The following ATRX variants were observed in gnomAD, a reference collection of about 807,000 sequenced individuals.
ATRX encodes the protein chromatin remodeler ATRX.
A neutral mutation model predicts 172.6 loss-of-function variants in ATRX; 12 were observed. The observed-to-expected ratio is 0.07, with a 90% CI of 0.04 to 0.11. The LOEUF (loss-of-function observed/expected upper bound fraction) is 0.11, where lower values mean the gene tolerates loss of function less well. ATRX is among the 10% of genes least tolerant of loss of function. The pLI is 1.00. For synonymous variants in ATRX, 674 were observed against 594.7 expected (o/e 1.13, Z -1.94); for missense variants, 1,368 against 1,767.4 (o/e 0.77, Z 4.05).
At chrX:77,678,508 A>T (rs2071024924) in intron 9 of ATRX, among the ~76,000 whole-genome samples, 1 of 111,918 alleles carries the variant, frequency 8.9e-6, no homozygotes, top group South Asian at 3.7e-4. Context: ...CTGTTTTGAG[A>T]CGGAGTCTCG....
At chrX:77,600,834 G>A (rs1466014524) in intron 22 of ATRX, 2 of 232,488 alleles carry the variant, frequency 8.6e-6, no homozygotes, top group Non-Finnish European at 1.5e-5. Context: ...AATATGCACA[G>A]GTTTAATAAA....
chrX:77,616,701 G>T lies in ATRX; in HGVS notation c.5478C>A (p.Phe1826Leu). The change falls in exon 22 of 35, where the codon TTC (phenylalanine) becomes TTA (leucine). Residue 1826 changes from phenylalanine (F) to leucine (L), a missense_variant. Physicochemically the swap from Phe to Leu is conservative, Grantham distance 22. Transcript: ENST00000373344. ...ACACATATTCGTGTTTTGGAGGCAA[G>T]AATTTTGTTAATGCTGTATAATCTT... ...QRKDYTALTK[F>L]LPPKHEYVLA... 1 of 1,196,722 alleles carries T rather than the reference G, an allele frequency of 8.4e-7. No homozygotes were observed. The highest frequency in any genetic ancestry group is 1.1e-6 in the Non-Finnish European group (1 of 882,296).
At chrX:77,516,684 A>G (rs2147711593) in intron 34 of ATRX, among the ~76,000 whole-genome samples, 1 of 111,995 alleles carries the variant, frequency 8.9e-6, no homozygotes, top group African/African-American at 3.2e-5. Context: ...GATCATCCAG[A>G]CAGAAAATCA....
intron 15 of ATRX, among the ~76,000 whole-genome samples, chrX:77,643,105 C>T (rs1428882551): frequency 8.9e-6 from 1 of 112,026 alleles, no homozygotes; most frequent in African/African-American, 3.2e-5. Flanking sequence ...AGTATCCTCC[C>T]ACAAACCAGA....
intron 1 of ATRX, among the ~76,000 whole-genome samples, chrX:77,755,758 C>T (rs914419421): frequency 6.3e-5 from 7 of 111,499 alleles, no homozygotes; most frequent in African/African-American, 2.3e-4. Flanking sequence ...TCCTGTGTGA[C>T]GTGTCTGTCA....
chrX:77,541,081 AAAG>A (rs1315171721), intron 30 of ATRX, among the ~76,000 whole-genome samples: 21 of 112,135 alleles, frequency 1.9e-4, no homozygotes, highest in Admixed American at 1.2e-3. Flanking sequence ...CCAGACTGAT[AAAG>A]AAGAAAGGAG....
chrX:77,678,406 C>T (rs782690404), intron 9 of ATRX, among the ~76,000 whole-genome samples: 1 of 112,467 alleles, frequency 8.9e-6, no homozygotes, highest in East Asian at 2.8e-4. Context: ...CAAATGCCAA[C>T]TATTCTTCTA....
intron 15 of ATRX, among the ~76,000 whole-genome samples, chrX:77,651,450 G>T (rs1423571998): frequency 2.7e-5 from 3 of 111,196 alleles, no homozygotes; most frequent in African/African-American, 9.8e-5. Flanking sequence ...CCATTTTGGT[G>T]ATCATTCAAG....
At chrX:77,556,241 G>C (rs1426594806) in intron 30 of ATRX, among the ~76,000 whole-genome samples, 1 of 22,679 alleles carries the variant, frequency 4.4e-5, no homozygotes. Context: ...GAGAGAGGGA[G>C]AGAGGGAGAG....
rs782638984 is a variant in ATRX at position 77,576,461 on chromosome X, G to T, written c.6218-2103C>A. ...GCCAAAAACTCACTCTAGAAACAAA[G>T]AAAGCGGGGAAATGAGAAAGATAAA... On this transcript the variant is annotated intron_variant, in intron 27 of 34. Transcript: ENST00000373344. Among the ~76,000 whole-genome samples the T allele has an allele frequency of 2.7e-5, 3 of 110,662 alleles. No individual in the cohort carries two copies. The South Asian group carries it at 1.1e-3, about 42-fold the overall frequency.
chrX:77,543,074 G>A (rs782035321), intron 30 of ATRX, among the ~76,000 whole-genome samples: 1 of 111,609 alleles, frequency 9.0e-6, no homozygotes, highest in African/African-American at 3.3e-5. Flanking sequence ...CTGACAAAGG[G>A]CTAATATCCG....
At chrX:77,785,223 G>T (rs782780161) in intron 1 of ATRX, among the ~76,000 whole-genome samples, 2 of 110,822 alleles carry the variant, frequency 1.8e-5, no homozygotes, top group Non-Finnish European at 3.8e-5. Context: ...AGTAAATAAA[G>T]ATAGGGCCTA....
At chrX:77,714,172 G>A (rs1442672431) in intron 2 of ATRX, among the ~76,000 whole-genome samples, 3 of 111,039 alleles carry the variant, frequency 2.7e-5, no homozygotes, top group Non-Finnish European at 5.7e-5. Context: ...TTGGCCAATA[G>A]TGAGTGAGAA....
intron 1 of ATRX, among the ~76,000 whole-genome samples, chrX:77,774,329 T>C (rs1381649381): frequency 8.9e-6 from 1 of 111,736 alleles, no homozygotes; most frequent in African/African-American, 3.3e-5. Context: ...TCTTTCATCA[T>C]GAAGGATGTC....
intron 1 of ATRX, among the ~76,000 whole-genome samples, chrX:77,768,734 G>A (rs782422205): frequency 1.8e-5 from 2 of 111,603 alleles, no homozygotes; most frequent in African/African-American, 6.5e-5. Context: ...ACTTCTTAGA[G>A]GGCAAAACAC....
intron 14 of ATRX, among the ~76,000 whole-genome samples, chrX:77,653,276 C>A (rs1557118181): frequency 2.7e-5 from 3 of 111,583 alleles, no homozygotes; most frequent in Non-Finnish European, 5.7e-5. Context: ...TTCAAAATAG[C>A]CGAAAGGTAG....
At chrX:77,775,311 T>TA (rs1172511853) in intron 1 of ATRX, among the ~76,000 whole-genome samples, 3 of 111,223 alleles carry the variant, frequency 2.7e-5, no homozygotes, top group Non-Finnish European at 3.8e-5. Context: ...TTTTATACAG[T>TA]AAAAAAAGGA....
Position 77,574,368 on chromosome X carries a change from T to A in ATRX, c.6218-10A>T. The A allele has an allele frequency of 8.7e-7, 1 of 1,152,125 alleles. No individual in the cohort carries two copies. Among genetic ancestry groups the A allele is most frequent in the Non-Finnish European group, 1.2e-6 (1 of 841,512 alleles). 94.9% of individuals were successfully genotyped at this position (1,152,125 alleles called of 1,213,427 possible). A position where few individuals can be genotyped will look rare whatever the true frequency, so the allele number is the denominator to read the frequency against. ...AGCCACTTCCCCTCACCTGAAAATT[T>A]AACAAAAGAACACAAAAGGAATTTG... is the stretch of plus-strand genomic sequence containing the variant. On this transcript the variant is annotated splice_polypyrimidine_tract_variant and intron_variant, in intron 27 of 34. Coordinates refer to ENST00000373344, the MANE Select transcript of ATRX (RefSeq NM_000489.6).
chrX:77,526,915 A>G (rs2063400529), intron 30 of ATRX, among the ~76,000 whole-genome samples: 2 of 112,709 alleles, frequency 1.8e-5, no homozygotes, highest in African/African-American at 6.4e-5. Context: ...TAATGATGCA[A>G]TAACTTTCCT....
Sources: allele counts gnomAD v4.1 joint callset (sites outside exome capture counted in the v4.1 genomes callset), GRCh38; gene constraint gnomAD v4.1.1; transcripts MANE v1.5; gene names NCBI Gene and HGNC (gene_info 2026-07-23, HGNC 2026-07-21).